Variants in SCAPER observed in about 807,000 individuals in gnomAD.
SCAPER encodes the protein S phase cyclin A-associated protein in the endoplasmic reticulum.
A neutral mutation model predicts 182.2 loss-of-function variants in SCAPER; 98 were observed. That is an observed-to-expected ratio of 0.54 (90% confidence interval 0.46 to 0.64). The LOEUF is 0.64. SCAPER is among the 30% of genes least tolerant of loss of function. SCAPER has a pLI of 0.00. For synonymous variants in SCAPER, 605 were observed against 564.6 expected, an observed-to-expected ratio of 1.07 and a Z score of -1.01; for missense variants, 1,432 against 1,690.0, an observed-to-expected ratio of 0.85 and a Z score of 2.68.
chr15:76,421,538 C>T (rs1005103790), intron 26 of SCAPER, among the ~76,000 whole-genome samples: 2 of 151,264 alleles, frequency 1.3e-5, no homozygotes, highest in African/African-American at 4.9e-5. Context: ...GTCAGATGAG[C>T]AGATTGCAAA....
intron 21 of SCAPER, among the ~76,000 whole-genome samples, chr15:76,662,400 G>A (rs1053285768): frequency 2.6e-5 from 4 of 151,978 alleles, no homozygotes; most frequent in Non-Finnish European, 4.4e-5. Context: ...GTAAAAAACT[G>A]ATCCTACTAT....
chr15:76,615,478 T>TACACAC (rs138517413), intron 22 of SCAPER, among the ~76,000 whole-genome samples: 2 of 119,338 alleles, frequency 1.7e-5, no homozygotes, highest in African/African-American at 6.3e-5. Context: ...TATATATACA[T>TACACAC]ACACACACAC....
intron 15 of SCAPER, among the ~76,000 whole-genome samples, chr15:76,739,339 T>C (rs1198542476): frequency 6.6e-6 from 1 of 152,214 alleles, no homozygotes; most frequent in African/African-American, 2.4e-5. Context: ...ATTTCTTTCC[T>C]TTCCTTAGTA....
At chr15:76,801,431 T>C (rs922791384) in intron 6 of SCAPER, among the ~76,000 whole-genome samples, 2 of 152,228 alleles carry the variant, frequency 1.3e-5, no homozygotes, top group African/African-American at 4.8e-5. Context: ...TATTTACCTA[T>C]ATTTTCTTCT....
At chr15:76,479,127 T>C (rs2050893782) in intron 24 of SCAPER, among the ~76,000 whole-genome samples, 1 of 152,038 alleles carries the variant, frequency 6.6e-6, no homozygotes, top group Non-Finnish European at 1.5e-5. Context: ...CACAAAACTC[T>C]CCTGAGAAAC....
At chr15:76,355,377 CT>C (rs1490600149) in intron 29 of SCAPER, among the ~76,000 whole-genome samples, 7 of 152,218 alleles carry the variant, frequency 4.6e-5, no homozygotes, top group African/African-American at 1.7e-4. Flanking sequence ...CAGCACATGG[CT>C]ATGTGCTGCC....
At chr15:76,396,431 C>A (rs1347786472) in intron 27 of SCAPER, among the ~76,000 whole-genome samples, 1 of 152,132 alleles carries the variant, frequency 6.6e-6, no homozygotes, top group Admixed American at 6.5e-5. Context: ...ACATTTTTAA[C>A]AATATTGCTG....
intron 24 of SCAPER, among the ~76,000 whole-genome samples, chr15:76,496,885 G>A (rs1011513366): frequency 2.0e-5 from 3 of 152,034 alleles, no homozygotes; most frequent in African/African-American, 7.3e-5. Flanking sequence ...TTTACTATAT[G>A]TATCTGAAAG....
intron 23 of SCAPER, among the ~76,000 whole-genome samples, chr15:76,573,617 AT>A (rs1344807678): frequency 6.6e-6 from 1 of 152,154 alleles, no homozygotes; most frequent in Non-Finnish European, 1.5e-5. Context: ...ATAAAATGTT[AT>A]CAGTTGCTAT....
chr15:76,393,058 T>C (rs1355503276), intron 27 of SCAPER, among the ~76,000 whole-genome samples: 1 of 152,224 alleles, frequency 6.6e-6, no homozygotes, highest in Non-Finnish European at 1.5e-5. Flanking sequence ...GAAGTTGTCA[T>C]CTTTCCATTC....
chr15:76,691,696 C>T (rs889849760), intron 20 of SCAPER, among the ~76,000 whole-genome samples: 1 of 152,040 alleles, frequency 6.6e-6, no homozygotes, highest in African/African-American at 2.4e-5. Context: ...TCAGATTTCC[C>T]CACCAGGAGA....
At chr15:76,463,458 A>G (rs2142986686) in intron 25 of SCAPER, among the ~76,000 whole-genome samples, 1 of 152,262 alleles carries the variant, frequency 6.6e-6, no homozygotes, top group Non-Finnish European at 1.5e-5. Context: ...CACCTTCTGA[A>G]GAGCTCACCA....
At chr15:76,558,179 C>A (rs992858085) in intron 23 of SCAPER, among the ~76,000 whole-genome samples, 1 of 151,942 alleles carries the variant, frequency 6.6e-6, no homozygotes, top group Non-Finnish European at 1.5e-5. Context: ...AGTTTCTGCA[C>A]AGGAAAAGAA....
At chr15:76,799,012 T>C (rs1198600799) in intron 7 of SCAPER, among the ~76,000 whole-genome samples, 2 of 152,136 alleles carry the variant, frequency 1.3e-5, no homozygotes, top group African/African-American at 4.8e-5. Flanking sequence ...ATAAATGTAG[T>C]TTTTGTTTGT....
At position 76,594,026 on chromosome 15, in the gene SCAPER, T is replaced by C. The variant is rs2049321339; in HGVS notation, c.2712-19742A>G. 1.7e-5 allele frequency among the ~76,000 whole-genome samples: 2 copies of C among 119,908 alleles called. 1 individual carries two copies. The highest frequency in any genetic ancestry group is 5.1e-5 in the African/African-American group (2 of 39,356). 78.7% of individuals were successfully genotyped at this position (119,908 alleles called of 152,430 possible). On this transcript the variant is annotated intron_variant, in intron 22 of 31. Transcript: ENST00000563290. ...CAGAAGGTGGGTAATAACAAACTCC[T>C]CTGAGCTAAAGGAGCATGATATAAC...
intron 19 of SCAPER, among the ~76,000 whole-genome samples, chr15:76,702,316 C>T (rs1441392360): frequency 3.9e-5 from 6 of 152,118 alleles, no homozygotes; most frequent in Non-Finnish European, 7.4e-5. Flanking sequence ...TCACATTAAG[C>T]AGGTAATCAT....
Position 76,354,999 on chromosome 15 carries a change from G to A in SCAPER, c.3856-859C>T, listed in dbSNP as rs2040857440. Among the ~76,000 whole-genome samples, 1 of 152,224 alleles carries A rather than the reference G, an allele frequency of 6.6e-6. No individual in the cohort carries two copies. Among genetic ancestry groups the A allele is most frequent in the Non-Finnish European group, 1.5e-5 (1 of 68,040 alleles). On this transcript the variant is annotated intron_variant, in intron 29 of 31. Transcript: ENST00000563290. This position sits in a 1 kb window ranked among gnomAD's most constrained non-coding sequence, Gnocchi z 4.4. ...TGGTATAGGAGGAAGCTCCTAGATG[G>A]TTGGGAACACTGTAAACCTAAGGTC...
intron 17 of SCAPER, among the ~76,000 whole-genome samples, chr15:76,726,124 A>AATATGAATATATATATATATATATATAT (rs1555555703): frequency 3.3e-4 from 5 of 15,348 alleles, no homozygotes; most frequent in African/African-American, 7.3e-4. Flanking sequence ...TAATGTCTAG[A>AATATGAATATATATATATATATATATAT]ATATATATAT....
At chr15:76,902,975 C>T (rs2074876367) in intron 1 of SCAPER, among the ~76,000 whole-genome samples, 1 of 151,538 alleles carries the variant, frequency 6.6e-6, no homozygotes, top group African/African-American at 2.4e-5. Flanking sequence ...GCAGGAAAAT[C>T]GCTTGAACTT....
Sources: gnomAD v4.1 joint callset for allele counts (sites outside exome capture counted in the v4.1 genomes callset) on GRCh38, gnomAD v4.1.1 for gene constraint, Gnocchi (gnomAD v3.1) non-coding constraint, MANE v1.5 for transcripts, NCBI Gene and HGNC (gene_info 2026-07-23, HGNC 2026-07-21) for gene names.